Variants in FARS2 observed in about 807,000 individuals in gnomAD.
FARS2 encodes phenylalanyl-tRNA synthetase 2, mitochondrial, also known as phenylalanine--tRNA ligase, mitochondrial.
A neutral mutation model predicts 46.4 loss-of-function variants in FARS2; 40 were observed. The ratio of observed to expected loss-of-function variants is 0.86; its 90% confidence interval spans 0.67 to 1.12. The LOEUF is 1.12. Ranked by LOEUF, FARS2 falls within the 50% of genes most tolerant of loss-of-function variation. The pLI is 0.00. For missense variants in FARS2, 513 were observed against 567.9 expected, an observed-to-expected ratio of 0.90 and a Z score of 0.98; for synonymous variants, 234 against 214.9, an observed-to-expected ratio of 1.09 and a Z score of -0.78.
rs191506413 is a variant in FARS2 at position 5,336,053 on chromosome 6, C to T, written c.-21-32497C>T. On this transcript the variant is annotated intron_variant, in intron 1 of 6. Coordinates refer to ENST00000274680, the MANE Select transcript of FARS2 (RefSeq NM_006567.5). ...GTGCAGACTCAGAGGAGCAGTGGAC[C>T]TGTTTCTTCAGCACAGAGCTCTCTT... 5.3e-4 allele frequency among the ~76,000 whole-genome samples: 80 copies of T among 152,232 alleles called. 1 individual carries two copies. The highest frequency in any genetic ancestry group is 1.8e-3 in the African/African-American group (75 of 41,532).
chr6:5,555,338 T>TCG (rs1423910923), intron 5 of FARS2, among the ~76,000 whole-genome samples: 2 of 152,084 alleles, frequency 1.3e-5, no homozygotes, highest in African/African-American at 4.8e-5. Flanking sequence ...ATACAGTGTG[T>TCG]AACACTGGTG....
chr6:5,629,138 T>G (rs1776173395), intron 6 of FARS2, among the ~76,000 whole-genome samples: 1 of 152,232 alleles, frequency 6.6e-6, no homozygotes. Context: ...GTTAAACACT[T>G]ACCATGGGTG....
At chr6:5,656,587 G>A (rs1185930605) in intron 6 of FARS2, among the ~76,000 whole-genome samples, 1 of 70,388 alleles carries the variant, frequency 1.4e-5, no homozygotes, top group Non-Finnish European at 2.9e-5. Flanking sequence ...GTCTCGCTCT[G>A]TCGCCCAAGC....
intron 6 of FARS2, among the ~76,000 whole-genome samples, chr6:5,650,928 C>T (rs1160559948): frequency 6.6e-6 from 1 of 152,182 alleles, no homozygotes; most frequent in Non-Finnish European, 1.5e-5. Context: ...GTTTTGCGAG[C>T]TTCCACCAAT....
intron 4 of FARS2, among the ~76,000 whole-genome samples, chr6:5,537,035 G>A (rs1770246436): frequency 6.6e-6 from 1 of 152,058 alleles, no homozygotes; most frequent in African/African-American, 2.4e-5. Flanking sequence ...TGGTATAAAG[G>A]TACCCTTTTT....
At chr6:5,465,111 G>T (rs986693495) in intron 4 of FARS2, among the ~76,000 whole-genome samples, 1 of 152,140 alleles carries the variant, frequency 6.6e-6, no homozygotes, top group African/African-American at 2.4e-5. Context: ...CTCTTGAAAG[G>T]AATAGATATG....
upstream of FARS2, chr6:5,261,017 G>A (rs1366596732): frequency 4.9e-6 from 5 of 1,027,512 alleles, no homozygotes; most frequent in South Asian, 3.7e-5. Context: ...GCCCCCGCCC[G>A]GAGGCTCGGG....
intron 6 of FARS2, among the ~76,000 whole-genome samples, chr6:5,675,525 T>C (rs1778720374): frequency 6.6e-6 from 1 of 152,248 alleles, no homozygotes; most frequent in Non-Finnish European, 1.5e-5. Context: ...CCATTCCACA[T>C]GTACCCAATA....
At chr6:5,378,590 T>A (rs1055985879) in intron 2 of FARS2, among the ~76,000 whole-genome samples, 1 of 152,200 alleles carries the variant, frequency 6.6e-6, no homozygotes, top group Non-Finnish European at 1.5e-5. Context: ...TTTTCTGTCT[T>A]TCAGTGAGTG....
At chr6:5,565,996 C>A (rs1378050188) in intron 5 of FARS2, among the ~76,000 whole-genome samples, 1 of 152,158 alleles carries the variant, frequency 6.6e-6, no homozygotes, top group Non-Finnish European at 1.5e-5. Context: ...ACCAATTTGA[C>A]CATGAGGTGA....
At position 5,476,285 on chromosome 6, in the gene FARS2, G is replaced by C. The variant is rs450366; in HGVS notation, c.904+45113G>C. 3.1e-3 allele frequency among the ~76,000 whole-genome samples: 474 copies of C among 151,636 alleles called. 3 individuals are homozygous for C. Among genetic ancestry groups the C allele is most frequent in the Non-Finnish European group, 5.8e-3 (396 of 67,856 alleles). Reference sequence around the variant, plus strand: ...TCTCCTTCTCAAGTCCCTTTGAGTCGTGTTTTCTATTACCTGAGTGGGAAG... The same window carrying C: ...TCTCCTTCTCAAGTCCCTTTGAGTCCTGTTTTCTATTACCTGAGTGGGAAG... On this transcript the variant is annotated intron_variant, in intron 4 of 6. Transcript: ENST00000274680.
At chr6:5,264,211 C>A (rs1561916668) in intron 1 of FARS2, among the ~76,000 whole-genome samples, 1 of 152,138 alleles carries the variant, frequency 6.6e-6, no homozygotes, top group Non-Finnish European at 1.5e-5. Flanking sequence ...CACATTACTG[C>A]TCTGTAGCCT....
chr6:5,296,708 C>T (rs188202253), intron 1 of FARS2, among the ~76,000 whole-genome samples: 10 of 152,308 alleles, frequency 6.6e-5, no homozygotes, highest in Non-Finnish European at 1.5e-4. Flanking sequence ...TTTCAGTGAG[C>T]ATAACATTTT....
chr6:5,562,806 C>CTT (rs1275011133), intron 5 of FARS2, among the ~76,000 whole-genome samples: 8 of 122,312 alleles, frequency 6.5e-5, no homozygotes, highest in African/African-American at 2.4e-4. Flanking sequence ...TTTTCTTTTT[C>CTT]TTTTTTTTTT....
At chr6:5,563,133 T>C (rs1170617898) in intron 5 of FARS2, among the ~76,000 whole-genome samples, 4 of 152,076 alleles carry the variant, frequency 2.6e-5, no homozygotes, top group Non-Finnish European at 5.9e-5. Context: ...CTGCCACGTA[T>C]ACCAGCCAGG....
intron 3 of FARS2, among the ~76,000 whole-genome samples, chr6:5,427,751 G>A (rs1413023520): frequency 1.3e-5 from 2 of 152,024 alleles, no homozygotes; most frequent in African/African-American, 4.8e-5. Context: ...TACCCACGTT[G>A]TTACCAAAAA....
intron 1 of FARS2, among the ~76,000 whole-genome samples, chr6:5,349,155 A>G (rs967676670): frequency 2.6e-5 from 4 of 152,232 alleles, no homozygotes; most frequent in African/African-American, 9.6e-5. Flanking sequence ...TAAGATCAAC[A>G]CATGAAAATC....
intron 6 of FARS2, among the ~76,000 whole-genome samples, chr6:5,740,553 A>G (rs939536237): frequency 6.6e-6 from 1 of 151,664 alleles, no homozygotes; most frequent in Non-Finnish European, 1.5e-5. Context: ...AGCACTGCGG[A>G]TATTTACAAA....
At chr6:5,632,062 T>C (rs1293419047) in intron 6 of FARS2, among the ~76,000 whole-genome samples, 1 of 152,254 alleles carries the variant, frequency 6.6e-6, no homozygotes, top group African/African-American at 2.4e-5. Flanking sequence ...TCAAACTTTG[T>C]ATTTGTTTAT....
Sources: gnomAD v4.1 joint callset for allele counts (sites outside exome capture counted in the v4.1 genomes callset) on GRCh38, gnomAD v4.1.1 for gene constraint, MANE v1.5 for transcripts, NCBI Gene and HGNC (gene_info 2026-07-23, HGNC 2026-07-21) for gene names.